NAALADL2: variants seen among roughly 807,000 people sequenced by gnomAD.
NAALADL2 encodes the protein inactive N-acetylated-alpha-linked acidic dipeptidase-like protein 2.
Under a neutral mutation model 87.2 loss-of-function variants are expected in NAALADL2, and 76 were observed. That is an observed-to-expected ratio of 0.87 (90% CI 0.72 to 1.05). The LOEUF (loss-of-function observed/expected upper bound fraction) is 1.05, where lower values mean the gene tolerates loss of function less well. Among genes scored for constraint, NAALADL2 ranks in the 50% least tolerant of loss-of-function variants. The pLI, the probability that NAALADL2 is intolerant of heterozygous loss-of-function variation, is 0.00. For missense variants in NAALADL2, 1,089 were observed against 945.8 expected (o/e 1.15, Z -1.99); for synonymous variants, 354 against 331.0 (o/e 1.07, Z -0.75).
At chr3:174,461,895 C>G (rs543851450) in intron 1 of NAALADL2, among the ~76,000 whole-genome samples, 5 of 152,022 alleles carry the variant, frequency 3.3e-5, no homozygotes, top group African/African-American at 7.2e-5. Flanking sequence ...ATGTGAAAAT[C>G]ACTTTTAAAC....
chr3:174,924,128 T>G (rs1443677903), intron 1 of NAALADL2, among the ~76,000 whole-genome samples: 4 of 152,086 alleles, frequency 2.6e-5, no homozygotes, highest in Non-Finnish European at 5.9e-5. Flanking sequence ...TTATTACATA[T>G]GTATACGTGT....
At chr3:175,431,894 T>A (rs993151038) in intron 5 of NAALADL2, among the ~76,000 whole-genome samples, 6 of 152,032 alleles carry the variant, frequency 3.9e-5, no homozygotes, top group African/African-American at 1.4e-4. Context: ...CCTTCTCTCT[T>A]AATTACCTCA....
intron 11 of NAALADL2, among the ~76,000 whole-genome samples, chr3:175,698,831 C>T (rs76255778): frequency 0.099 from 15,025 of 151,788 alleles, 985 homozygotes; most frequent in Non-Finnish European, 0.15. Flanking sequence ...ATAAAGCACT[C>T]AGATCCCATT....
chr3:175,101,853 T>C (rs907761434), intron 2 of NAALADL2, among the ~76,000 whole-genome samples: 1 of 148,698 alleles, frequency 6.7e-6, no homozygotes, highest in Non-Finnish European at 1.5e-5. Flanking sequence ...GCTAATATAA[T>C]TTCCTCTTCT....
At chr3:175,216,804 G>A (rs1742622725) in intron 2 of NAALADL2, among the ~76,000 whole-genome samples, 1 of 151,448 alleles carries the variant, frequency 6.6e-6, no homozygotes, top group African/African-American at 2.4e-5. Flanking sequence ...GAGTACCTGG[G>A]ATTACGGGTG....
intron 11 of NAALADL2, among the ~76,000 whole-genome samples, chr3:175,648,926 G>T (rs536434215): frequency 6.6e-6 from 1 of 152,250 alleles, no homozygotes; most frequent in Non-Finnish European, 1.5e-5. Context: ...CTAGTTACAA[G>T]TATTTAGTTC....
intron 13 of NAALADL2, among the ~76,000 whole-genome samples, chr3:175,784,292 T>C (rs1290326827): frequency 6.6e-6 from 1 of 152,096 alleles, no homozygotes; most frequent in Non-Finnish European, 1.5e-5. Flanking sequence ...CAGTTCCTCC[T>C]TGTACCTCTG....
At chr3:175,411,742 G>A (rs1276915383) in intron 5 of NAALADL2, among the ~76,000 whole-genome samples, 1 of 151,984 alleles carries the variant, frequency 6.6e-6, no homozygotes, top group African/African-American at 2.4e-5. Context: ...AGAAACAAAA[G>A]TATTTTAATT....
chr3:175,429,897 A>G (rs943718601), intron 5 of NAALADL2, among the ~76,000 whole-genome samples: 1 of 151,994 alleles, frequency 6.6e-6, no homozygotes, highest in Admixed American at 6.6e-5. Flanking sequence ...TAATAATAAC[A>G]TTATACAATT....
intron 1 of NAALADL2, among the ~76,000 whole-genome samples, chr3:174,986,530 ATAGT>A (rs1423199280): frequency 1.3e-5 from 2 of 152,000 alleles, no homozygotes; most frequent in Non-Finnish European, 2.9e-5. Flanking sequence ...AAACTAGACC[ATAGT>A]TAGAAGATAA....
intron 9 of NAALADL2, among the ~76,000 whole-genome samples, chr3:175,511,459 C>T (rs1731142016): frequency 6.6e-6 from 1 of 152,154 alleles, no homozygotes; most frequent in Non-Finnish European, 1.5e-5. Context: ...AAGGAAGGGC[C>T]ACGTGGCAAT....
At chr3:175,402,122 G>T (rs1210020330) in intron 5 of NAALADL2, among the ~76,000 whole-genome samples, 2 of 151,918 alleles carry the variant, frequency 1.3e-5, no homozygotes, top group African/African-American at 2.4e-5. Context: ...AAATTTTTCA[G>T]GTACAATTAA....
In NAALADL2 at chr3:174,769,562, T is replaced by C. The variant is rs957732077; in HGVS notation, c.-9+31816T>C. On this transcript the variant is annotated intron_variant, in intron 3 of 3. Coordinates refer to the NAALADL2 transcript ENST00000434257. ...GGACAATAGCTGGAGTATTAGAACA[T>C]TCTAAATTATTTTTATTTTTATTTT... Among the ~76,000 whole-genome samples, 42 of 151,638 alleles carry C rather than the reference T, an allele frequency of 2.8e-4. 2 individuals carry two copies. Among genetic ancestry groups the C allele is most frequent in the Admixed American group, 1.3e-4 (2 of 15,256 alleles).
intron 1 of NAALADL2, among the ~76,000 whole-genome samples, chr3:174,500,683 A>G (rs1397816710): frequency 6.6e-6 from 1 of 152,086 alleles, no homozygotes; most frequent in East Asian, 1.9e-4. Context: ...GTGAATGGAT[A>G]TGGGATTTTG....
intron 1 of NAALADL2, among the ~76,000 whole-genome samples, chr3:174,876,008 T>A (rs1307873262): frequency 1.3e-5 from 2 of 151,904 alleles, no homozygotes; most frequent in East Asian, 3.9e-4. Context: ...GAGGGAAAAC[T>A]AAAATGCATA....
chr3:175,334,121 CA>C (rs1169993708), intron 5 of NAALADL2, among the ~76,000 whole-genome samples: 2 of 152,030 alleles, frequency 1.3e-5, no homozygotes, highest in East Asian at 3.9e-4. Flanking sequence ...GCCATTTCTC[CA>C]AAAATCTCTA....
At chr3:175,047,723 T>C (rs1254570848) in intron 1 of NAALADL2, among the ~76,000 whole-genome samples, 3 of 152,180 alleles carry the variant, frequency 2.0e-5, no homozygotes. Flanking sequence ...TGAGACTAGA[T>C]CAAAGAATAA....
chr3:174,551,915 G>A (rs901699884), intron 2 of NAALADL2, among the ~76,000 whole-genome samples: 1 of 152,118 alleles, frequency 6.6e-6, no homozygotes, highest in South Asian at 2.1e-4. Flanking sequence ...CACGGTCCTC[G>A]GGTCAAATTC....
intron 5 of NAALADL2, among the ~76,000 whole-genome samples, chr3:175,407,027 A>G (rs1310125669): frequency 2.6e-5 from 4 of 151,848 alleles, no homozygotes; most frequent in Non-Finnish European, 5.9e-5. Context: ...CTAAAAATAG[A>G]AAAAAAATTA....
Sources: allele counts gnomAD v4.1 joint callset (sites outside exome capture counted in the v4.1 genomes callset), GRCh38; gene constraint gnomAD v4.1.1; transcripts MANE v1.5; gene names NCBI Gene and HGNC (gene_info 2026-07-23, HGNC 2026-07-21).